KSR2: variants seen among roughly 807,000 people sequenced by gnomAD.
KSR2 encodes kinase suppressor of ras 2.
In KSR2, 25 loss-of-function variants were observed where a neutral mutation model predicts 107.8. The ratio of observed to expected loss-of-function variants is 0.23; its 90% CI spans 0.17 to 0.32. KSR2 has a LOEUF of 0.32. KSR2 is among the 10% of genes least tolerant of loss of function. The pLI is 1.00. For synonymous variants in KSR2, 480 were observed against 507.0 expected, an observed-to-expected ratio of 0.95 and a Z score of 0.71; for missense variants, 887 against 1,268.9, an observed-to-expected ratio of 0.70 and a Z score of 4.57.
At chr12:117,801,839 G>GGGCT (rs60039180) in intron 3 of KSR2, among the ~76,000 whole-genome samples, 91,005 of 151,432 alleles carry the variant, frequency 0.6, 29,801 homozygotes, top group African/African-American at 0.87. Context: ...GAAGTACCGT[G>GGGCT]GGGGGAAGAA....
chr12:117,583,615 G>A (rs529387924), intron 5 of KSR2, among the ~76,000 whole-genome samples: 115 of 152,236 alleles, frequency 7.6e-4, no homozygotes, highest in Admixed American at 1.2e-3. Context: ...AAATCTCAGC[G>A]AACTGTACTA....
chr12:117,490,078 C>T (rs1872667054), intron 14 of KSR2, among the ~76,000 whole-genome samples: 1 of 152,154 alleles, frequency 6.6e-6, no homozygotes, highest in Non-Finnish European at 1.5e-5. Flanking sequence ...CCTATTATAT[C>T]TATTTTATGG....
rs1055439566 is a variant in KSR2 at position 117,460,078 on chromosome 12, A to G, written c.*7121T>C. 6.6e-5 allele frequency: 10 copies of G among 152,226 alleles called. No homozygotes were observed. Among genetic ancestry groups the G allele is most frequent in the African/African-American group, 2.4e-4 (10 of 41,458 alleles). 9.4% of individuals were successfully genotyped at this position (152,226 alleles called of 1,614,324 possible). A position where few individuals can be genotyped will look rare whatever the true frequency, so the allele number is the denominator to read the frequency against. The stretch of plus-strand genomic sequence containing the variant: ...GTTTCATTTTACCTAAGCATTTCCA[A>G]TGCATGCTTGTCCCAGGACCCTTTC... On this transcript the variant is annotated 3_prime_UTR_variant, in exon 20 of 20. Transcript: ENST00000339824.
chr12:117,788,644 G>A (rs1490980184), intron 3 of KSR2, among the ~76,000 whole-genome samples: 2 of 152,136 alleles, frequency 1.3e-5, no homozygotes, highest in Non-Finnish European at 2.9e-5. Context: ...TGGGATTACA[G>A]GTGCGTATGA....
intron 1 of KSR2, among the ~76,000 whole-genome samples, chr12:117,902,548 C>T (rs980891831): frequency 1.7e-4 from 25 of 147,952 alleles, no homozygotes; most frequent in African/African-American, 5.7e-4. Context: ...AAAAGGGAAC[C>T]ACCTTCAGTA....
chr12:117,849,530 T>C (rs1317257684), intron 3 of KSR2, among the ~76,000 whole-genome samples: 5 of 152,194 alleles, frequency 3.3e-5, no homozygotes, highest in Non-Finnish European at 7.3e-5. Context: ...ATTCTTTGGT[T>C]TCAGGCTAAG....
At chr12:117,943,718 C>T (rs193224952) in intron 1 of KSR2, among the ~76,000 whole-genome samples, 120 of 152,082 alleles carry the variant, frequency 7.9e-4, no homozygotes, top group African/African-American at 2.8e-3. Context: ...AAACAAAAGG[C>T]CATTGATATG....
chr12:117,950,665 C>T (rs557546590), intron 1 of KSR2, among the ~76,000 whole-genome samples: 9 of 150,084 alleles, frequency 6.0e-5, no homozygotes, highest in Admixed American at 2.0e-4. Context: ...CACTTGAGCC[C>T]GGGAGGTGGA....
chr12:117,716,865 C>A (rs144777029), intron 4 of KSR2, among the ~76,000 whole-genome samples: 10 of 152,290 alleles, frequency 6.6e-5, no homozygotes, highest in Non-Finnish European at 8.8e-5. Context: ...TATACAAATG[C>A]AAGCTCTTCT....
At chr12:117,534,520 A>G (rs1482342909) in intron 10 of KSR2, among the ~76,000 whole-genome samples, 1 of 152,070 alleles carries the variant, frequency 6.6e-6, no homozygotes. Context: ...ATCACAATCT[A>G]TAATCCTATT....
At chr12:117,484,286 G>A (rs1872334095) in intron 16 of KSR2, 130 bp downstream of exon 16, 2 of 1,005,240 alleles carry the variant, frequency 2.0e-6, no homozygotes, top group Non-Finnish European at 2.9e-6. Flanking sequence ...CAGTAGAGCA[G>A]CTGCCCCACT....
intron 5 of KSR2, among the ~76,000 whole-genome samples, chr12:117,638,426 G>T (rs905072385): frequency 3.9e-5 from 6 of 152,068 alleles, no homozygotes; most frequent in African/African-American, 1.4e-4. Flanking sequence ...CAGCCACTGT[G>T]GGGTGCCACA....
intron 3 of KSR2, among the ~76,000 whole-genome samples, chr12:117,781,798 G>T (rs1300897655): frequency 6.6e-6 from 1 of 152,160 alleles, no homozygotes; most frequent in Non-Finnish European, 1.5e-5. Context: ...GCCTGCCTCT[G>T]GAGCCCAAAC....
At chr12:117,824,750 G>A (rs562810417) in intron 3 of KSR2, among the ~76,000 whole-genome samples, 9 of 150,824 alleles carry the variant, frequency 6.0e-5, no homozygotes, top group Non-Finnish European at 7.4e-5. Flanking sequence ...CCAGCTACTC[G>A]GGAGGCTGAG....
At chr12:117,799,449 C>T (rs552121771) in intron 3 of KSR2, among the ~76,000 whole-genome samples, 12 of 150,320 alleles carry the variant, frequency 8.0e-5, no homozygotes, top group South Asian at 4.2e-4. Flanking sequence ...TGCAGTGAGC[C>T]GAGATCGCAT....
intron 15 of KSR2, among the ~76,000 whole-genome samples, chr12:117,485,126 T>A (rs1872390041): frequency 6.6e-6 from 1 of 152,142 alleles, no homozygotes; most frequent in African/African-American, 2.4e-5. Context: ...AAATGAGAAA[T>A]AAAAGCTTGA....
intron 4 of KSR2, among the ~76,000 whole-genome samples, chr12:117,712,263 G>A (rs912593035): frequency 1.3e-5 from 2 of 152,220 alleles, no homozygotes; most frequent in Non-Finnish European, 2.9e-5. Context: ...CAAGGGGGTA[G>A]ACTTCTCTGA....
At chr12:117,783,672 G>A (rs926770086) in intron 3 of KSR2, among the ~76,000 whole-genome samples, 8 of 152,194 alleles carry the variant, frequency 5.3e-5, no homozygotes, top group African/African-American at 1.7e-4. Flanking sequence ...CCATTATGGC[G>A]GTGGTGAGTT....
intron 5 of KSR2, among the ~76,000 whole-genome samples, chr12:117,637,675 G>GTTTTTGTTTTTT (rs1883165076): frequency 2.2e-5 from 2 of 92,086 alleles, no homozygotes; most frequent in African/African-American, 4.2e-5. Context: ...TCAGTTTTGG[G>GTTTTTGTTTTTT]TTTTTTTTTT....
Sources: allele counts gnomAD v4.1 joint callset (sites outside exome capture counted in the v4.1 genomes callset), GRCh38; gene constraint gnomAD v4.1.1; transcripts MANE v1.5; gene names NCBI Gene and HGNC (gene_info 2026-07-23, HGNC 2026-07-21).